APOBEC3H: variants seen among roughly 807,000 people sequenced by gnomAD.
APOBEC3H encodes DNA dC->dU-editing enzyme APOBEC-3H.
A neutral mutation model predicts 21.2 loss-of-function variants in APOBEC3H; 8 were observed. That is an observed-to-expected ratio of 0.38 (90% CI 0.22 to 0.68). The LOEUF (loss-of-function observed/expected upper bound fraction) is 0.68. Among genes scored for constraint, APOBEC3H ranks in the 30% least tolerant of loss-of-function variants. APOBEC3H has a pLI of 0.52. For missense variants in APOBEC3H, 229 were observed against 228.1 expected (o/e 1.00, Z -0.03); for synonymous variants, 88 against 91.0 (o/e 0.97, Z 0.19).
intron 3 of APOBEC3H, 70 bp from the exon 4 acceptor site, chr22:39,101,848 A>G (rs919224289): frequency 1.9e-5 from 31 of 1,609,264 alleles, no homozygotes; most frequent in Non-Finnish European, 2.2e-5. Context: ...GAGAGGGGAA[A>G]GGAAGCAAGA....
At chr22:39,098,768 C>T (rs1038060907) in intron 1 of APOBEC3H, among the ~76,000 whole-genome samples, 5 of 152,038 alleles carry the variant, frequency 3.3e-5, no homozygotes, top group Non-Finnish European at 5.9e-5. Context: ...TGCAGAAATT[C>T]TCAGGACTTG....
intron 4 of APOBEC3H, chr22:39,102,447 G>C (rs542831851): frequency 4.2e-6 from 3 of 712,004 alleles, no homozygotes; most frequent in East Asian, 5.4e-5. Context: ...ACCGTGCCCC[G>C]CCCCACTACC....
rs773067422 is a variant in APOBEC3H, at chr22:39,101,421, A to G, written c.335A>G (p.Tyr112Cys). The G allele has an allele frequency of 2.5e-6, 4 of 1,611,566 alleles. No homozygotes were observed. The highest frequency in any genetic ancestry group is 2.5e-6 in the Non-Finnish European group (3 of 1,179,458). ...CTGGGCATCTTCGCCTCCCGCCTGT[A>G]CTACCACTGGTGCAAGCCCCAGCAG... ...LNLGIFASRL[Y>C]YHWCKPQQKG... Residue 112 changes from tyrosine (Y) to cysteine (C), a missense_variant, in exon 3 of 5, where the codon TAC (tyrosine) becomes TGC (cysteine). Tyr to Cys is a radical substitution (Grantham distance 194, BLOSUM62 -2). Coordinates refer to ENST00000442487, the MANE Select transcript of APOBEC3H (RefSeq NM_181773.5).
Position 39,100,431 on chromosome 22 carries a change from G to A in APOBEC3H, c.150+3G>A. ...CGAGAGGCTACTTTGAAAACAAGGTGCCACACGGGCTCTCTGGGCACAGGG... is the reference window on the plus strand; with the variant it reads ...CGAGAGGCTACTTTGAAAACAAGGTACCACACGGGCTCTCTGGGCACAGGG... On this transcript the variant is annotated splice_donor_region_variant and intron_variant, in intron 2 of 4. Coordinates refer to ENST00000442487, the MANE Select transcript of APOBEC3H (RefSeq NM_181773.5). The A allele has an allele frequency of 6.2e-7, 1 of 1,612,586 alleles. No individual in the cohort carries two copies. Among genetic ancestry groups the A allele is most frequent in the South Asian group, 1.1e-5 (1 of 91,038 alleles).
intron 1 of APOBEC3H, among the ~76,000 whole-genome samples, chr22:39,098,216 G>A (rs1483042688): frequency 2.6e-5 from 4 of 152,200 alleles, no homozygotes; most frequent in Admixed American, 1.3e-4. Context: ...CCTGGGCCTG[G>A]GGATGGAAGT....
chr22:39,103,714 A>G lies in APOBEC3H; in HGVS notation c.*17A>G, dbSNP rs1476500664. 1.2e-6 allele frequency: 2 copies of G among 1,614,026 alleles called. No individual in the cohort carries two copies. Among genetic ancestry groups the G allele is most frequent in the Non-Finnish European group, 1.7e-6 (2 of 1,179,898 alleles). On this transcript the variant is annotated 3_prime_UTR_variant, in exon 5 of 5. Transcript: ENST00000442487. ...CAGTCCTGAAGTGTGGATGTTTTAGAGAATGACTTAAGAAGTTTGCAGCTT... is the reference window on the plus strand; with the variant it reads ...CAGTCCTGAAGTGTGGATGTTTTAGGGAATGACTTAAGAAGTTTGCAGCTT...
At chr22:39,100,109 G>A (rs995559634) in intron 1 of APOBEC3H, among the ~76,000 whole-genome samples, 163 bp from the exon 2 acceptor site, 1 of 152,300 alleles carries the variant, frequency 6.6e-6, no homozygotes, top group Non-Finnish European at 1.5e-5. Context: ...GAAGGCGGAG[G>A]TTGCAGTGAG....
intron 2 of APOBEC3H, 68 bp downstream of exon 2, chr22:39,100,496 C>A (rs1929250723): frequency 6.5e-7 from 1 of 1,545,800 alleles, no homozygotes; most frequent in Admixed American, 2.0e-5. Context: ...GCAGAAAATA[C>A]ATGAAATGCC....
chr22:39,102,726 G>T, intron 4 of APOBEC3H: 1 of 570,436 alleles, frequency 1.8e-6, no homozygotes, highest in Non-Finnish European at 3.2e-6. Flanking sequence ...ACTCGGCCAG[G>T]CACAGTGGCT....
intron 2 of APOBEC3H, chr22:39,100,667 T>C: frequency 1.9e-6 from 1 of 519,056 alleles, no homozygotes; most frequent in East Asian, 3.1e-5. Context: ...AACCCTTCTG[T>C]AGAATGCTCC....
At position 39,100,128 on chromosome 22, in the gene APOBEC3H, G is replaced by C. The variant is rs887388368; in HGVS notation, c.-7-144G>C. 1.4e-5 allele frequency: 11 copies of C among 794,976 alleles called. No individual in the cohort carries two copies. In the African/African-American group the frequency reaches 1.7e-4, roughly 12 times the overall value. 49.2% of individuals were successfully genotyped at this position (794,976 alleles called of 1,614,324 possible). A position where few individuals can be genotyped will look rare whatever the true frequency, so the allele number is the denominator to read the frequency against. ...GCGGAGGTTGCAGTGAGCCAAGATCGGGCCACTGCACTCCAGCCTGGGCGA... is the reference window on the plus strand; with the variant it reads ...GCGGAGGTTGCAGTGAGCCAAGATCCGGCCACTGCACTCCAGCCTGGGCGA... On this transcript the variant is annotated intron_variant, in intron 1 of 4. Coordinates refer to ENST00000442487, the MANE Select transcript of APOBEC3H (RefSeq NM_181773.5).
intron 2 of APOBEC3H, 40 bp downstream of exon 2, chr22:39,100,468 T>C: frequency 1.2e-6 from 2 of 1,604,354 alleles, no homozygotes; most frequent in Non-Finnish European, 1.7e-6. Context: ...CGGCAGGGGC[T>C]AACCCCATCT....
At chr22:39,102,962 CAAAAAAA>C (rs58524849) in intron 4 of APOBEC3H, among the ~76,000 whole-genome samples, 130 of 94,058 alleles carry the variant, frequency 1.4e-3, no homozygotes, top group African/African-American at 3.5e-3. Context: ...GACTCTGTCC[CAAAAAAA>C]AAAAAAAAAA....
chr22:39,097,289 T>C lies in APOBEC3H; in HGVS notation c.-62T>C, dbSNP rs55989856. ...GCTGCCAAAAGTGAAACTTAGTGCC[T>C]CAGACAAGCAGGGGCAAGTCTGCTA... On this transcript the variant is annotated 5_prime_UTR_variant, in exon 1 of 5. Coordinates refer to ENST00000442487, the MANE Select transcript of APOBEC3H (RefSeq NM_181773.5). 0.25 allele frequency: 38,354 copies of C among 151,976 alleles called. 8,483 individuals carry two copies. The highest frequency in any genetic ancestry group is 0.6 in the African/African-American group (24,966 of 41,338). 9.4% of individuals were successfully genotyped at this position (151,976 alleles called of 1,614,324 possible). A position where few individuals can be genotyped will look rare whatever the true frequency, so the allele number is the denominator to read the frequency against.
At chr22:39,102,383 C>T (rs886663154) in intron 4 of APOBEC3H, 8 of 660,834 alleles carry the variant, frequency 1.2e-5, no homozygotes, top group Non-Finnish European at 1.9e-5. Context: ...CTCTTGGCCT[C>T]AAGTGACCTG....
chr22:39,103,057 C>T (rs187045138), intron 4 of APOBEC3H, among the ~76,000 whole-genome samples: 51 of 150,914 alleles, frequency 3.4e-4, no homozygotes, highest in African/African-American at 1.1e-3. Flanking sequence ...GAGGCCAAGG[C>T]GGGTGGATCA....
chr22:39,100,484 G>C, intron 2 of APOBEC3H, 56 bp downstream of exon 2: 4 of 1,562,766 alleles, frequency 2.6e-6, no homozygotes, highest in Non-Finnish European at 3.5e-6. Context: ...CATCTGATGT[G>C]TGCAGAAAAT....
chr22:39,097,579 G>A (rs981929410), intron 1 of APOBEC3H, among the ~76,000 whole-genome samples: 14 of 152,212 alleles, frequency 9.2e-5, no homozygotes, highest in African/African-American at 3.4e-4. Context: ...CCCCTGCTGA[G>A]ACTCTCCCCT....
In APOBEC3H at chr22:39,101,334, G is replaced by A; in HGVS notation, c.248G>A (p.Ser83Asn). ...CYQVTCYLTWSPCSSCAWELV... is the reference protein window; with the variant it reads ...CYQVTCYLTWNPCSSCAWELV... Reference sequence around the variant, plus strand: ...CAAGTCACCTGTTACCTCACGTGGAGCCCCTGCTCCTCCTGTGCCTGGGAG... The same window carrying A: ...CAAGTCACCTGTTACCTCACGTGGAACCCCTGCTCCTCCTGTGCCTGGGAG... Residue 83 changes from serine to asparagine, a missense_variant, in exon 3 of 5, where the codon AGC (serine) becomes AAC (asparagine). By Grantham distance (46) the Ser-to-Asn change is conservative. Coordinates refer to ENST00000442487, the MANE Select transcript of APOBEC3H (RefSeq NM_181773.5). The A allele has an allele frequency of 6.2e-7, 1 of 1,613,332 alleles. No homozygotes were observed. The highest frequency in any genetic ancestry group is 2.2e-5 in the East Asian group (1 of 44,734).
Sources: gnomAD v4.1 joint callset for allele counts (sites outside exome capture counted in the v4.1 genomes callset) on GRCh38, gnomAD v4.1.1 for gene constraint, MANE v1.5 for transcripts, NCBI Gene and HGNC (gene_info 2026-07-23, HGNC 2026-07-21) for gene names.